KCND3: variants seen among roughly 807,000 people sequenced by gnomAD.
The protein encoded by KCND3 is A-type voltage-gated potassium channel KCND3.
In KCND3, 9 loss-of-function variants were observed where a neutral mutation model predicts 51.1. That is an observed-to-expected ratio of 0.18 (90% CI 0.11 to 0.31). The LOEUF is 0.31. Ranked by LOEUF, KCND3 falls within the 10% of genes least tolerant of loss-of-function variation. The pLI, the probability that KCND3 is intolerant of heterozygous loss-of-function variation, is 1.00. For synonymous variants in KCND3, 349 were observed against 368.0 expected, an observed-to-expected ratio of 0.95 and a Z score of 0.59; for missense variants, 526 against 903.8, an observed-to-expected ratio of 0.58 and a Z score of 5.36.
chr1:111,860,610 C>A (rs1193461865), intron 2 of KCND3, among the ~76,000 whole-genome samples: 1 of 152,134 alleles, frequency 6.6e-6, no homozygotes, highest in Non-Finnish European at 1.5e-5. Flanking sequence ...CCCTCTCAGC[C>A]CTATCTATCC....
chr1:111,985,689 C>G (rs894104261), intron 1 of KCND3, among the ~76,000 whole-genome samples: 4 of 152,216 alleles, frequency 2.6e-5, no homozygotes, highest in African/African-American at 9.6e-5. Flanking sequence ...GAATCCAATT[C>G]AAGTATCTGC....
intron 2 of KCND3, among the ~76,000 whole-genome samples, chr1:111,825,415 T>C (rs776324381): frequency 6.6e-6 from 1 of 152,218 alleles, no homozygotes; most frequent in Non-Finnish European, 1.5e-5. Flanking sequence ...CTCATGTTGA[T>C]TGTAGCTCTG....
intron 2 of KCND3, among the ~76,000 whole-genome samples, chr1:111,979,577 G>A (rs1252334794): frequency 6.6e-6 from 1 of 152,214 alleles, no homozygotes; most frequent in East Asian, 1.9e-4. Context: ...GGAATGAGTA[G>A]TAGGGTGAAA....
At chr1:111,873,416 T>C (rs2813871) in intron 2 of KCND3, among the ~76,000 whole-genome samples, 142,494 of 152,278 alleles carry the variant, frequency 0.94, 66,756 homozygotes, top group East Asian at 1. Context: ...TGTGGCATGA[T>C]AGGTGGTGGG....
intron 2 of KCND3, among the ~76,000 whole-genome samples, chr1:111,787,644 A>G (rs1203246022): frequency 6.6e-6 from 1 of 152,186 alleles, no homozygotes; most frequent in Admixed American, 6.5e-5. Flanking sequence ...GCAGCGTCTG[A>G]CGGGCCATGG....
intron 2 of KCND3, among the ~76,000 whole-genome samples, chr1:111,838,210 T>C (rs940252695): frequency 4.6e-5 from 7 of 152,212 alleles, no homozygotes; most frequent in African/African-American, 1.4e-4. Context: ...CTATATAAAA[T>C]ACTTGGAATT....
chr1:111,866,263 CTTTTTT>C (rs11399761), intron 2 of KCND3, among the ~76,000 whole-genome samples: 5 of 54,256 alleles, frequency 9.2e-5, no homozygotes, highest in East Asian at 3.1e-4. Context: ...CTTTTCTTTT[CTTTTTT>C]TTTTTTTTTT....
chr1:111,833,589 AAG>A (rs1666943756), intron 2 of KCND3, among the ~76,000 whole-genome samples: 1 of 152,244 alleles, frequency 6.6e-6, no homozygotes, highest in Admixed American at 6.5e-5. Flanking sequence ...GGATGAGGAA[AAG>A]AGAACAAATT....
intron 3 of KCND3, among the ~76,000 whole-genome samples, chr1:111,781,967 C>T (rs1455083852): frequency 6.6e-6 from 1 of 152,164 alleles, no homozygotes; most frequent in African/African-American, 2.4e-5. Flanking sequence ...GAGGTTTGGG[C>T]TCTGTAAATC....
chr1:111,793,931 G>T (rs911985356), intron 2 of KCND3, among the ~76,000 whole-genome samples: 2 of 152,212 alleles, frequency 1.3e-5, no homozygotes, highest in Non-Finnish European at 2.9e-5. Flanking sequence ...TGGCTTTGTG[G>T]GTAGGGATAG....
intron 2 of KCND3, among the ~76,000 whole-genome samples, chr1:111,827,959 C>T (rs1162380085): frequency 2.6e-5 from 4 of 152,146 alleles, no homozygotes; most frequent in African/African-American, 7.2e-5. Context: ...TCACTCTGAG[C>T]GCTGTTCCTG....
At chr1:111,915,973 A>G (rs1019341456) in intron 2 of KCND3, among the ~76,000 whole-genome samples, 15 of 152,276 alleles carry the variant, frequency 9.9e-5, no homozygotes, top group Admixed American at 5.9e-4. Flanking sequence ...AACCACACCT[A>G]TAGTTGAAAA....
rs116234887 is a variant in KCND3 at position 111,811,750 on chromosome 1, A to C, written c.1107-24644T>G. 5.0e-3 allele frequency among the ~76,000 whole-genome samples: 760 copies of C among 152,320 alleles called. 6 individuals carry two copies. Among genetic ancestry groups the C allele is most frequent in the African/African-American group, 0.017 (719 of 41,558 alleles). On this transcript the variant is annotated intron_variant, in intron 2 of 7. Transcript: ENST00000302127. ...TATTTTTAAAAAATCAATTGGCTCC[A>C]TTATGGTATGACTAAAATTCTATTT...
chr1:111,889,548 CT>C (rs199789347), intron 2 of KCND3, among the ~76,000 whole-genome samples: 7 of 150,028 alleles, frequency 4.7e-5, no homozygotes, highest in East Asian at 3.9e-4. Flanking sequence ...GGTAAGAAAT[CT>C]TTTTTTTTTA....
chr1:111,815,889 C>G (rs547433132), intron 2 of KCND3, among the ~76,000 whole-genome samples: 5 of 152,166 alleles, frequency 3.3e-5, no homozygotes, highest in Admixed American at 1.3e-4. Flanking sequence ...ATGTTCCCCC[C>G]CCACACAAAA....
chr1:111,973,984 C>T lies in KCND3; in HGVS notation c.1106+7637G>A, dbSNP rs139326768. Among the ~76,000 whole-genome samples, 75 of 152,316 alleles carry T rather than the reference C, an allele frequency of 4.9e-4. No individual in the cohort carries two copies. The East Asian group carries it at 0.013, about 27-fold the overall frequency. On this transcript the variant is annotated intron_variant, in intron 2 of 7. Transcript: ENST00000302127. ...TGATTTTTCTGATTCAGTTTAATGACACTCATTCGAGTCCTGACACCCAGA... is the reference window on the plus strand; with the variant it reads ...TGATTTTTCTGATTCAGTTTAATGATACTCATTCGAGTCCTGACACCCAGA...
At chr1:111,903,499 G>C (rs567960555) in intron 2 of KCND3, among the ~76,000 whole-genome samples, 61 of 152,382 alleles carry the variant, frequency 4.0e-4, no homozygotes, top group African/African-American at 1.4e-3. Flanking sequence ...GCAGAGTGAA[G>C]CTTTCAGGGG....
intron 2 of KCND3, among the ~76,000 whole-genome samples, chr1:111,954,970 C>T (rs1389446372): frequency 6.6e-6 from 1 of 152,140 alleles, no homozygotes; most frequent in Non-Finnish European, 1.5e-5. Context: ...AGCTGTCTGT[C>T]TTATTGTTGT....
At position 111,776,927 on chromosome 1, in the gene KCND3, G is replaced by A. The variant is rs889011484; in HGVS notation, c.1766+99C>T. The A allele has an allele frequency of 3.7e-5, 59 of 1,574,318 alleles. 1 individual carries two copies. Among genetic ancestry groups the A allele is most frequent in the East Asian group, 2.3e-4 (10 of 42,684 alleles). On this transcript the variant is annotated intron_variant, in intron 7 of 7. Coordinates refer to ENST00000302127, the MANE Select transcript of KCND3 (RefSeq NM_001378969.1). Reference sequence around the variant, plus strand: ...GGCTCATGCATTAGATAAGGGGAGCGGCTAGAGGATCCTCAAGGTTCTCCT... The same window carrying A: ...GGCTCATGCATTAGATAAGGGGAGCAGCTAGAGGATCCTCAAGGTTCTCCT...
Sources: allele counts gnomAD v4.1 joint callset (sites outside exome capture counted in the v4.1 genomes callset), GRCh38; gene constraint gnomAD v4.1.1; transcripts MANE v1.5; gene names NCBI Gene and HGNC (gene_info 2026-07-23, HGNC 2026-07-21).